Variants in ARHGAP6 observed in about 807,000 individuals in gnomAD.
ARHGAP6 encodes the protein rho GTPase-activating protein 6.
ARHGAP6 carries 16 observed loss-of-function variants against 55.7 expected under a neutral mutation model. The observed-to-expected ratio is 0.29, with a 90% confidence interval of 0.19 to 0.44. The LOEUF (loss-of-function observed/expected upper bound fraction) is 0.44, where lower values mean the gene tolerates loss of function less well. Among genes scored for constraint, ARHGAP6 ranks in the 20% least tolerant of loss-of-function variants. The probability of loss-of-function intolerance (pLI) is 1.00; values close to 1 mark genes in which losing one functional copy is unlikely to be tolerated. For synonymous variants in ARHGAP6, 382 were observed against 360.9 expected, an observed-to-expected ratio of 1.06 and a Z score of -0.66; for missense variants, 698 against 808.9, an observed-to-expected ratio of 0.86 and a Z score of 1.66.
chrX:11,171,772 G>A (rs1462209150), intron 8 of ARHGAP6, among the ~76,000 whole-genome samples: 1 of 110,784 alleles, frequency 9.0e-6, no homozygotes, highest in Non-Finnish European at 1.9e-5. Context: ...TTGCTGTGGG[G>A]GCTGTCCTGT....
intron 1 of ARHGAP6, among the ~76,000 whole-genome samples, chrX:11,626,663 C>T (rs1328221464): frequency 9.0e-6 from 1 of 111,187 alleles, no homozygotes; most frequent in Admixed American, 9.6e-5. Flanking sequence ...ATTGTATTTA[C>T]CAAAAAATCC....
chrX:11,352,123 A>G (rs1009342972), intron 1 of ARHGAP6, among the ~76,000 whole-genome samples: 3 of 112,770 alleles, frequency 2.7e-5, no homozygotes. Flanking sequence ...TGATCACTTA[A>G]TAGTCCTCTT....
At chrX:11,195,216 G>T (rs956994707) in intron 3 of ARHGAP6, among the ~76,000 whole-genome samples, 2 of 110,836 alleles carry the variant, frequency 1.8e-5, no homozygotes, top group Non-Finnish European at 3.8e-5. Flanking sequence ...GCTGAGCATG[G>T]TGGTGCGTGC....
chrX:11,461,577 G>T (rs990623981), intron 1 of ARHGAP6, among the ~76,000 whole-genome samples: 2 of 112,077 alleles, frequency 1.8e-5, no homozygotes, highest in East Asian at 5.6e-4. Flanking sequence ...CATGAATGAG[G>T]TGGTGGGGTT....
chrX:11,340,654 G>A (rs1012212386), intron 1 of ARHGAP6, among the ~76,000 whole-genome samples: 9 of 107,641 alleles, frequency 8.4e-5, no homozygotes, highest in Non-Finnish European at 1.7e-4. Flanking sequence ...GCGTGAACCC[G>A]GGAAGCGGAG....
chrX:11,347,884 G>A (rs1365145956), intron 1 of ARHGAP6, among the ~76,000 whole-genome samples: 1 of 3,471 alleles, frequency 2.9e-4, no homozygotes, highest in African/African-American at 1.2e-3. Flanking sequence ...CCTGTGATAG[G>A]TCCCCATAGC....
chrX:11,221,701 C>T (rs2046974456), intron 2 of ARHGAP6, among the ~76,000 whole-genome samples: 1 of 111,909 alleles, frequency 8.9e-6, no homozygotes, highest in Non-Finnish European at 1.9e-5. Context: ...CATTAAGTCA[C>T]ATATCAGTTT....
At chrX:11,148,166 A>G (rs901130316) in intron 10 of ARHGAP6, among the ~76,000 whole-genome samples, 4 of 112,058 alleles carry the variant, frequency 3.6e-5, no homozygotes, top group African/African-American at 1.3e-4. Flanking sequence ...AGCAACCACA[A>G]TGTTTTCTCT....
intron 1 of ARHGAP6, among the ~76,000 whole-genome samples, chrX:11,589,288 C>T (rs1378826697): frequency 3.7e-5 from 4 of 109,067 alleles, no homozygotes; most frequent in East Asian, 2.9e-4. Flanking sequence ...GTAATCCTCC[C>T]GCCTCGGCCT....
intron 1 of ARHGAP6, among the ~76,000 whole-genome samples, chrX:11,326,306 T>G (rs2048497969): frequency 9.0e-6 from 1 of 110,729 alleles, no homozygotes; most frequent in Admixed American, 9.6e-5. Flanking sequence ...TTTTGTAGTT[T>G]TAGTAGAAAA....
chrX:11,192,689 T>C (rs1366855828), intron 3 of ARHGAP6, among the ~76,000 whole-genome samples: 1 of 111,860 alleles, frequency 8.9e-6, no homozygotes, highest in Non-Finnish European at 1.9e-5. Flanking sequence ...TGATACAATA[T>C]GCTTTCACCA....
At chrX:11,198,102 G>C (rs1285302857) in intron 2 of ARHGAP6, among the ~76,000 whole-genome samples, 1 of 111,796 alleles carries the variant, frequency 8.9e-6, no homozygotes, top group African/African-American at 3.2e-5. Context: ...AAACAGAAAT[G>C]AGCATTCCTG....
intron 1 of ARHGAP6, among the ~76,000 whole-genome samples, chrX:11,295,367 C>A (rs2048066229): frequency 9.0e-6 from 1 of 111,382 alleles, no homozygotes; most frequent in Non-Finnish European, 1.9e-5. Context: ...GAGGCCCCAC[C>A]CCTTTGGGTA....
At chrX:11,422,462 A>C (rs1470398507) in intron 1 of ARHGAP6, among the ~76,000 whole-genome samples, 1 of 111,724 alleles carries the variant, frequency 9.0e-6, no homozygotes, top group Non-Finnish European at 1.9e-5. Context: ...GTCATGGATG[A>C]AGCTATTATT....
At chrX:11,198,937 A>G (rs965288861) in intron 2 of ARHGAP6, among the ~76,000 whole-genome samples, 7 of 112,185 alleles carry the variant, frequency 6.2e-5, no homozygotes, top group African/African-American at 2.3e-4. Context: ...GCAATGATCA[A>G]TTATCAGATT....
intron 1 of ARHGAP6, among the ~76,000 whole-genome samples, chrX:11,502,345 G>A (rs1324160249): frequency 8.9e-6 from 1 of 112,368 alleles, no homozygotes; most frequent in Non-Finnish European, 1.9e-5. Context: ...ATAATGCCTG[G>A]AAAAGGAGGC....
At chrX:11,582,518 A>T (rs748629673) in intron 1 of ARHGAP6, among the ~76,000 whole-genome samples, 30 of 112,146 alleles carry the variant, frequency 2.7e-4, no homozygotes, top group African/African-American at 9.4e-4. Flanking sequence ...TAGTCAAACA[A>T]ATCTGCCTAT....
rs759669849 is a variant in ARHGAP6 at position 11,233,936 on chromosome X, A to C, written c.748+20612T>G. Among the ~76,000 whole-genome samples, 4 of 112,589 alleles carry C rather than the reference A, an allele frequency of 3.6e-5. No homozygotes were observed. In the South Asian group the frequency reaches 1.5e-3, roughly 41 times the overall value. The stretch of plus-strand genomic sequence containing the variant: ...TCTGAATGTTGACTCAACTTAGGAA[A>C]TTGCAGTCCTTAGGGGGAAAATATC... On this transcript the variant is annotated intron_variant, in intron 2 of 12. Transcript: ENST00000337414.
intron 1 of ARHGAP6, among the ~76,000 whole-genome samples, chrX:11,578,858 G>T (rs975326180): frequency 2.7e-5 from 3 of 111,105 alleles, no homozygotes; most frequent in Admixed American, 9.6e-5. Context: ...CTATAAAAAA[G>T]GACGAGTTCA....
Sources: allele counts gnomAD v4.1 joint callset (sites outside exome capture counted in the v4.1 genomes callset), GRCh38; gene constraint gnomAD v4.1.1; transcripts MANE v1.5; gene names NCBI Gene and HGNC (gene_info 2026-07-23, HGNC 2026-07-21).